The following RABGEF1 variants were observed in gnomAD, a reference collection of about 807,000 sequenced individuals.
RABGEF1 encodes the protein rab5 GDP/GTP exchange factor.
A neutral mutation model predicts 57.3 loss-of-function variants in RABGEF1; 26 were observed. The observed-to-expected ratio is 0.45, with a 90% CI of 0.33 to 0.63. The LOEUF is 0.63. Among genes scored for constraint, RABGEF1 ranks in the 20% least tolerant of loss-of-function variants. RABGEF1 has a pLI of 0.02. For missense variants in RABGEF1, 464 were observed against 607.6 expected, an observed-to-expected ratio of 0.76 and a Z score of 2.48; for synonymous variants, 185 against 210.7, an observed-to-expected ratio of 0.88 and a Z score of 1.06.
At chr7:66,759,745 A>G (rs532069920) in intron 1 of RABGEF1, among the ~76,000 whole-genome samples, 21 of 152,156 alleles carry the variant, frequency 1.4e-4, no homozygotes, top group Non-Finnish European at 2.5e-4. Flanking sequence ...ACAGAACCAC[A>G]GGGGATGGTG....
intron 1 of RABGEF1, among the ~76,000 whole-genome samples, chr7:66,683,316 GA>G (rs1223172263): frequency 6.6e-6 from 1 of 152,144 alleles, no homozygotes; most frequent in Non-Finnish European, 1.5e-5. Context: ...GTTGTACCAG[GA>G]AACTTGCCAG....
intron 2 of RABGEF1, among the ~76,000 whole-genome samples, chr7:66,714,256 A>G (rs1277270175): frequency 6.6e-6 from 1 of 152,226 alleles, no homozygotes; most frequent in African/African-American, 2.4e-5. Context: ...GTATGGGACT[A>G]TTCCCATTCT....
At chr7:66,745,717 C>T (rs546936883) in intron 1 of RABGEF1, among the ~76,000 whole-genome samples, 23 of 149,934 alleles carry the variant, frequency 1.5e-4, no homozygotes, top group South Asian at 2.1e-4. Flanking sequence ...TGCAATGAGC[C>T]GAGATTGTGC....
chr7:66,686,252 T>G (rs2707848), intron 1 of RABGEF1, among the ~76,000 whole-genome samples: 75,342 of 149,178 alleles, frequency 0.51, 19,813 homozygotes, highest in East Asian at 0.74. Flanking sequence ...CTGCACTCCA[T>G]CCTGGGCAAC....
At position 66,748,878 on chromosome 7, in the gene RABGEF1, T is replaced by C. The variant is rs927898705; in HGVS notation, c.-18+8086T>C. 1.2e-5 allele frequency: 3 copies of C among 243,304 alleles called. No homozygotes were observed. The Admixed American group carries it at 1.3e-4, about 10-fold the overall frequency. 15.1% of individuals were successfully genotyped at this position (243,304 alleles called of 1,614,324 possible). ...AAGTCTGCACTGTTTCAGCACCTTA[T>C]TGAAACCCTCACAGAGTTTTCTGTC... On this transcript the variant is annotated intron_variant, in intron 1 of 8. Coordinates refer to ENST00000284957, the MANE Select transcript of RABGEF1 (RefSeq NM_014504.3).
At chr7:66,683,144 T>G (rs1268053965) in intron 1 of RABGEF1, among the ~76,000 whole-genome samples, 1 of 152,132 alleles carries the variant, frequency 6.6e-6, no homozygotes, top group Non-Finnish European at 1.5e-5. Context: ...TGCTTTGTTT[T>G]TCCTTATTAT....
At chr7:66,773,677 T>A in intron 2 of RABGEF1, 1 of 454,106 alleles carries the variant, frequency 2.2e-6, no homozygotes, top group South Asian at 1.6e-5. Context: ...TTTGTTTGTT[T>A]GTTTTTGAGA....
At chr7:66,789,379 A>G (rs986061889) in intron 4 of RABGEF1, among the ~76,000 whole-genome samples, 1 of 152,174 alleles carries the variant, frequency 6.6e-6, no homozygotes, top group Non-Finnish European at 1.5e-5. Flanking sequence ...AAGGAAAAAA[A>G]GTAGATAAAA....
intron 1 of RABGEF1, among the ~76,000 whole-genome samples, chr7:66,745,768 C>CA (rs35862923): frequency 0.24 from 28,378 of 118,246 alleles, 3,404 homozygotes; most frequent in East Asian, 0.34. Context: ...GACTCTATCT[C>CA]AAAAAAAAAA....
intron 1 of RABGEF1, among the ~76,000 whole-genome samples, chr7:66,689,451 AT>A (rs1469927401): frequency 1.5e-4 from 23 of 152,332 alleles, no homozygotes; most frequent in Non-Finnish European, 2.4e-4. Context: ...ACCAAATGAA[AT>A]GGCAAATCTC....
At chr7:66,795,423 G>A (rs1445477093) in intron 4 of RABGEF1, 88 bp from the exon 5 acceptor site, 2 of 1,112,540 alleles carry the variant, frequency 1.8e-6, no homozygotes, top group African/African-American at 3.1e-5. Flanking sequence ...CCAGTACAAG[G>A]AATGGCTTTT....
intron 6 of RABGEF1, among the ~76,000 whole-genome samples, chr7:66,798,351 G>A (rs1256302852): frequency 6.6e-6 from 1 of 151,848 alleles, no homozygotes; most frequent in East Asian, 2.0e-4. Context: ...CTGATGAGGT[G>A]TTTTAAGGGG....
chr7:66,702,832 T>A (rs572465595), intron 1 of RABGEF1, among the ~76,000 whole-genome samples: 1 of 152,282 alleles, frequency 6.6e-6, no homozygotes, highest in Admixed American at 6.5e-5. Flanking sequence ...TGTTTGTCTT[T>A]TTGTTGTTCA....
chr7:66,746,679 G>C (rs1407388063), intron 1 of RABGEF1, among the ~76,000 whole-genome samples: 13 of 142,170 alleles, frequency 9.1e-5, no homozygotes, highest in Non-Finnish European at 1.8e-4. Context: ...GCTGGAGTGT[G>C]GTGGCACGAT....
At chr7:66,774,232 A>G (rs1046276654) in intron 2 of RABGEF1, among the ~76,000 whole-genome samples, 5 of 151,944 alleles carry the variant, frequency 3.3e-5, no homozygotes, top group Admixed American at 1.3e-4. Flanking sequence ...TTGTACTCCT[A>G]TTTTCCAGGT....
At chr7:66,797,618 G>A (rs781372137) in intron 6 of RABGEF1, 112 bp downstream of exon 6, 58 of 1,203,218 alleles carry the variant, frequency 4.8e-5, no homozygotes, top group Non-Finnish European at 5.8e-5. Context: ...AATAGCTCAT[G>A]TTCCTGCTTC....
intron 1 of RABGEF1, among the ~76,000 whole-genome samples, chr7:66,759,667 C>G (rs1462246292): frequency 1.3e-5 from 2 of 152,166 alleles, no homozygotes; most frequent in East Asian, 3.8e-4. Flanking sequence ...AGCAAAGTGT[C>G]TCCCCTAGTG....
chr7:66,750,560 CT>C (rs1801179125), intron 1 of RABGEF1, among the ~76,000 whole-genome samples: 1 of 152,176 alleles, frequency 6.6e-6, no homozygotes, highest in South Asian at 2.1e-4. Context: ...CTTTTTAATA[CT>C]TCTGTCTAGT....
At chr7:66,779,401 G>T (rs1424614942) in intron 3 of RABGEF1, among the ~76,000 whole-genome samples, 1 of 151,938 alleles carries the variant, frequency 6.6e-6, no homozygotes, top group Admixed American at 6.6e-5. Context: ...CTGCTTGGGA[G>T]GCTGAGGCAG....
Sources: allele counts gnomAD v4.1 joint callset (sites outside exome capture counted in the v4.1 genomes callset), GRCh38; gene constraint gnomAD v4.1.1; transcripts MANE v1.5; gene names NCBI Gene and HGNC (gene_info 2026-07-23, HGNC 2026-07-21).